The following KIF1B variants were observed in gnomAD, a reference collection of about 807,000 sequenced individuals.
KIF1B encodes kinesin family member 1B.
In KIF1B, 76 loss-of-function variants were observed where a neutral mutation model predicts 241.9. The ratio of observed to expected loss-of-function variants is 0.31; its 90% CI spans 0.26 to 0.38. The LOEUF is 0.38. KIF1B is among the 10% of genes least tolerant of loss of function. The probability of loss-of-function intolerance (pLI) is 1.00; values close to 1 mark genes in which losing one functional copy is unlikely to be tolerated. For synonymous variants in KIF1B, 750 were observed against 796.7 expected (o/e 0.94, Z 0.99); for missense variants, 1,622 against 2,271.4 (o/e 0.71, Z 5.81).
chr1:10,377,925 G>A lies in KIF1B; in HGVS notation c.*1338G>A, dbSNP rs1313098605. The A allele has an allele frequency of 1.4e-5, 3 of 209,684 alleles. No homozygotes were observed. Among genetic ancestry groups the A allele is most frequent in the East Asian group, 1.5e-4 (2 of 13,240 alleles). 13.0% of individuals were successfully genotyped at this position (209,684 alleles called of 1,614,324 possible). On this transcript the variant is annotated 3_prime_UTR_variant, in exon 49 of 49. Transcript: ENST00000676179. ...CACTCCAGCCTGGGTGACAGAGCAA[G>A]ACTCTGCCTCAGAAAAAAAAAAAAA...
intron 22 of KIF1B, among the ~76,000 whole-genome samples, chr1:10,313,380 A>G (rs975377761): frequency 2.6e-5 from 4 of 150,982 alleles, no homozygotes; most frequent in East Asian, 3.9e-4. Context: ...TACCATCTTT[A>G]TAAGGTTATT....
At chr1:10,250,878 TG>T (rs1470125780) in intron 2 of KIF1B, among the ~76,000 whole-genome samples, 1 of 151,668 alleles carries the variant, frequency 6.6e-6, no homozygotes, top group Non-Finnish European at 1.5e-5. Flanking sequence ...AAAAGCAGCT[TG>T]GGGGCGGGTG....
intron 1 of KIF1B, among the ~76,000 whole-genome samples, chr1:10,218,847 T>G (rs1194478629): frequency 6.6e-6 from 1 of 152,210 alleles, no homozygotes; most frequent in East Asian, 1.9e-4. Flanking sequence ...AGGAAGTTTT[T>G]ATTTATTTAT....
chr1:10,263,413 C>G (rs1419092051), intron 5 of KIF1B, among the ~76,000 whole-genome samples: 1 of 150,726 alleles, frequency 6.6e-6, no homozygotes, highest in Non-Finnish European at 1.5e-5. Context: ...TTAAAGTGTT[C>G]TGTTACCATG....
chr1:10,268,986 A>G (rs1405719290), intron 7 of KIF1B, among the ~76,000 whole-genome samples: 1 of 152,194 alleles, frequency 6.6e-6, no homozygotes, highest in African/African-American at 2.4e-5. Flanking sequence ...CCACTCAATA[A>G]TGTTAATTTT....
intron 2 of KIF1B, among the ~76,000 whole-genome samples, chr1:10,236,960 C>CT (rs1367100351): frequency 6.6e-6 from 1 of 152,040 alleles, no homozygotes; most frequent in Non-Finnish European, 1.5e-5. Flanking sequence ...TGCTGGCAAG[C>CT]TGGCCTGGAC....
At chr1:10,320,951 A>G (rs774659854) in intron 23 of KIF1B, among the ~76,000 whole-genome samples, 21 of 151,072 alleles carry the variant, frequency 1.4e-4, no homozygotes, top group Middle Eastern at 3.4e-3. Context: ...TCTGCCTGCC[A>G]TGGCCTCTCA....
chr1:10,360,985 T>A lies in KIF1B; in HGVS notation c.4112T>A (p.Leu1371Gln). The A allele has an allele frequency of 1.2e-6, 2 of 1,614,142 alleles. No homozygotes were observed. The highest frequency in any genetic ancestry group is 1.7e-6 in the Non-Finnish European group (2 of 1,180,000). ...AGCTCTCTGCATAACTCCCTTCTTC[T>A]GAACCGAGTGACACCCTATGGAGAA... Reference protein sequence around the residue: ...WDSSLHNSLLLNRVTPYGEKI... With the variant: ...WDSSLHNSLLQNRVTPYGEKI... The change falls in exon 39 of 49, where the codon CTG becomes CAG. Residue 1371 changes from leucine to glutamine, a missense_variant. By Grantham distance (113) the Leu-to-Gln change is moderately radical. Coordinates refer to ENST00000676179, the MANE Select transcript of KIF1B (RefSeq NM_001365951.3).
chr1:10,329,607 C>T (rs1449152920), intron 27 of KIF1B, among the ~76,000 whole-genome samples: 1 of 152,046 alleles, frequency 6.6e-6, no homozygotes, highest in Non-Finnish European at 1.5e-5. Context: ...GTGGTTTGTG[C>T]CTGTAATCCC....
chr1:10,360,238 G>A lies in KIF1B; in HGVS notation c.4056-691G>A, dbSNP rs145501479. On this transcript the variant is annotated intron_variant, in intron 38 of 48. Transcript: ENST00000676179. ...AGTTACCAAGCATTCACTTCCTGCT[G>A]TCATCATTAACTGACAGGAGAGCTT... Among the ~76,000 whole-genome samples the A allele has an allele frequency of 1.9e-4, 29 of 152,212 alleles. No homozygotes were observed. In the East Asian group the frequency reaches 5.6e-3, roughly 29 times the overall value.
chr1:10,297,148 A>G, intron 21 of KIF1B, 26 bp from the exon 22 acceptor site: 1 of 1,535,436 alleles, frequency 6.5e-7, no homozygotes, highest in South Asian at 1.1e-5. Context: ...GCATTCTTGA[A>G]TTTTTTTTTT....
In KIF1B at chr1:10,378,215, C is replaced by T. The variant is rs978307749; in HGVS notation, c.*1628C>T. 1.9e-5 allele frequency: 13 copies of T among 678,064 alleles called. No individual in the cohort carries two copies. The highest frequency in any genetic ancestry group is 1.8e-4 in the African/African-American group (10 of 55,800). 42.0% of individuals were successfully genotyped at this position (678,064 alleles called of 1,614,324 possible). Reference sequence around the variant, plus strand: ...CAATATGCCTAGGGGCACGGATGAACGTCCAGGGAGCCCGGGCCCCAGGCT... The same window carrying T: ...CAATATGCCTAGGGGCACGGATGAATGTCCAGGGAGCCCGGGCCCCAGGCT... On this transcript the variant is annotated 3_prime_UTR_variant, in exon 49 of 49. Transcript: ENST00000676179.
chr1:10,261,884 T>C (rs545102410), intron 4 of KIF1B, 21 bp from the exon 5 acceptor site: 11 of 1,552,470 alleles, frequency 7.1e-6, no homozygotes, highest in Middle Eastern at 1.7e-4. Context: ...TCTTCATGCC[T>C]CTCTCATTCT....
At chr1:10,342,335 C>G (rs1003464306) in intron 33 of KIF1B, among the ~76,000 whole-genome samples, 167 bp downstream of exon 33, 2 of 152,174 alleles carry the variant, frequency 1.3e-5, no homozygotes, top group Non-Finnish European at 2.9e-5. Context: ...GCCACCTAAT[C>G]ACTGATTTTA....
chr1:10,271,587 T>C lies in KIF1B; in HGVS notation c.798+8T>C, dbSNP rs373158213. On this transcript the variant is annotated splice_region_variant and intron_variant, in intron 8 of 48. Coordinates refer to ENST00000676179, the MANE Select transcript of KIF1B (RefSeq NM_001365951.3). ...AAAGGGACTCGATTAAAGGTATTTATTTTAGCAAATAAATGGCCTGATCAA... is the reference window on the plus strand; with the variant it reads ...AAAGGGACTCGATTAAAGGTATTTACTTTAGCAAATAAATGGCCTGATCAA... The C allele has an allele frequency of 6.9e-6, 11 of 1,599,962 alleles. No individual in the cohort carries two copies. The highest frequency in any genetic ancestry group is 9.4e-6 in the Non-Finnish European group (11 of 1,167,178).
Position 10,326,489 on chromosome 1 carries a change from A to C in KIF1B, c.2924+130A>C. On this transcript the variant is annotated intron_variant, in intron 27 of 48. Transcript: ENST00000676179. The surrounding 1 kb of genome is among the most constrained non-coding windows in gnomAD (Gnocchi z 5.2). ...ATGAATGCTCTTTTTCAAGTTCTCC[A>C]ATACTTCAAGCTCTTAGTCAGTGCT... 1.6e-6 allele frequency: 2 copies of C among 1,219,888 alleles called. No homozygotes were observed. The highest frequency in any genetic ancestry group is 2.4e-6 in the Non-Finnish European group (2 of 838,648). The allele number at this position is 1,219,888 out of a possible 1,614,324, so 75.6% of individuals were successfully genotyped here.
In KIF1B at chr1:10,377,163, C is replaced by T; in HGVS notation, c.*576C>T. The T allele has an allele frequency of 4.2e-6, 1 of 240,016 alleles. No individual in the cohort carries two copies. The highest frequency in any genetic ancestry group is 8.3e-6 in the Non-Finnish European group (1 of 121,064). The allele number at this position is 240,016 out of a possible 1,614,324, so 14.9% of individuals were successfully genotyped here. On this transcript the variant is annotated 3_prime_UTR_variant, in exon 49 of 49. Transcript: ENST00000676179. ...TTTTTTTCCCCTCTGTCTCTTTTTG[C>T]CATGGCTAATCCCTGCATTTCCATT... is the stretch of plus-strand genomic sequence containing the variant.
At chr1:10,276,202 A>G (rs1307742737) in intron 11 of KIF1B, 119 bp from the exon 12 acceptor site, 1 of 779,858 alleles carries the variant, frequency 1.3e-6, no homozygotes, top group African/African-American at 1.7e-5. Context: ...AATAAAAGAA[A>G]GAAATTTGAC....
chr1:10,306,965 T>C, intron 22 of KIF1B: 2 of 1,041,214 alleles, frequency 1.9e-6, no homozygotes, highest in East Asian at 5.7e-5. Flanking sequence ...AAGAGTTGTA[T>C]AATATATTCA....
Sources: gnomAD v4.1 joint callset for allele counts (sites outside exome capture counted in the v4.1 genomes callset) on GRCh38, gnomAD v4.1.1 for gene constraint, Gnocchi (gnomAD v3.1) non-coding constraint, MANE v1.5 for transcripts, NCBI Gene and HGNC (gene_info 2026-07-23, HGNC 2026-07-21) for gene names.